FOXJ3: variants seen among roughly 807,000 people sequenced by gnomAD.
The protein encoded by FOXJ3 is forkhead box protein J3.
A neutral mutation model predicts 76.1 loss-of-function variants in FOXJ3; 22 were observed. That is an observed-to-expected ratio of 0.29 (90% CI 0.21 to 0.41). The LOEUF (loss-of-function observed/expected upper bound fraction) is 0.41. Among genes scored for constraint, FOXJ3 ranks in the 10% least tolerant of loss-of-function variants. The pLI is 1.00. For synonymous variants in FOXJ3, 269 were observed against 261.2 expected, an observed-to-expected ratio of 1.03 and a Z score of -0.29; for missense variants, 613 against 762.1, an observed-to-expected ratio of 0.80 and a Z score of 2.30.
intron 1 of FOXJ3, among the ~76,000 whole-genome samples, chr1:42,326,381 T>C (rs1029548802): frequency 4.6e-5 from 7 of 152,182 alleles, no homozygotes; most frequent in African/African-American, 1.7e-4. Flanking sequence ...ATATACAGGT[T>C]CAAAGAAGAA....
At chr1:42,242,125 C>A (rs1649192659) in intron 4 of FOXJ3, among the ~76,000 whole-genome samples, 1 of 151,878 alleles carries the variant, frequency 6.6e-6, no homozygotes, top group Admixed American at 6.6e-5. Flanking sequence ...AAAAGTCTTA[C>A]CCTAGGAAAT....
chr1:42,248,730 C>CTTTTTTTTTT (rs4019587), intron 4 of FOXJ3, among the ~76,000 whole-genome samples: 2 of 92,190 alleles, frequency 2.2e-5, no homozygotes, highest in African/African-American at 4.0e-5. Flanking sequence ...CCTGTTTTTT[C>CTTTTTTTTTT]TTTTTTTTTT....
intron 2 of FOXJ3, among the ~76,000 whole-genome samples, chr1:42,294,424 T>C (rs1653645893): frequency 6.6e-6 from 1 of 152,112 alleles, no homozygotes; most frequent in African/African-American, 2.4e-5. Flanking sequence ...GATTTAGAAT[T>C]AGAAGTGAAA....
At chr1:42,315,589 T>A (rs914709789) in intron 1 of FOXJ3, 4 of 169,994 alleles carry the variant, frequency 2.4e-5, no homozygotes, top group African/African-American at 9.6e-5. Flanking sequence ...TCCTCTAGAT[T>A]ACCGTCCTTA....
At chr1:42,280,924 A>G (rs1422860691) in intron 2 of FOXJ3, among the ~76,000 whole-genome samples, 2 of 152,190 alleles carry the variant, frequency 1.3e-5, no homozygotes, top group Admixed American at 6.5e-5. Context: ...CTGTCATCCA[A>G]TTTACCTCAA....
At chr1:42,224,456 C>A (rs1267466453) in intron 5 of FOXJ3, among the ~76,000 whole-genome samples, 1 of 151,998 alleles carries the variant, frequency 6.6e-6, no homozygotes, top group Non-Finnish European at 1.5e-5. Context: ...AGGATGGAGC[C>A]AGCCTGGCCA....
In FOXJ3 at chr1:42,191,540, G is replaced by C. The variant is rs781368632; in HGVS notation, c.1114C>G (p.His372Asp). The C allele has an allele frequency of 6.2e-7, 1 of 1,614,114 alleles. No individual in the cohort carries two copies. The highest frequency in any genetic ancestry group is 8.5e-7 in the Non-Finnish European group (1 of 1,180,010). The change falls in exon 9 of 13, where the codon CAC becomes GAC. Residue 372 changes from histidine (H) to aspartate (D), a missense_variant. Physicochemically the swap from His to Asp is moderately conservative, Grantham distance 81 (BLOSUM62 -1). Around this residue, in one of 3 missense-constraint regions of FOXJ3, gnomAD observed 526 missense variants for 601.4 expected, o/e 0.87. Transcript: ENST00000361346. ...GATGGCTGTGTGTGCATCTGGGGGTGAGACAGTGAGACCTGTGCAACCGAA... is the reference window on the plus strand; with the variant it reads ...GATGGCTGTGTGTGCATCTGGGGGTCAGACAGTGAGACCTGTGCAACCGAA... ...SNSVAQVSLSHPQMHTQPSPH... is the reference protein window; with the variant it reads ...SNSVAQVSLSDPQMHTQPSPH...
chr1:42,312,544 G>A (rs926893406), intron 1 of FOXJ3, among the ~76,000 whole-genome samples: 2 of 152,162 alleles, frequency 1.3e-5, no homozygotes, highest in South Asian at 2.1e-4. Context: ...GCTCAATCTC[G>A]TAACCACTGA....
intron 12 of FOXJ3, among the ~76,000 whole-genome samples, 192 bp from the exon 13 acceptor site, chr1:42,180,017 T>C (rs1646286143): frequency 6.6e-6 from 1 of 152,080 alleles, no homozygotes; most frequent in Non-Finnish European, 1.5e-5. Context: ...GATGAGTAAA[T>C]TACCCAAAGT....
intron 3 of FOXJ3, among the ~76,000 whole-genome samples, chr1:42,273,603 A>G (rs1002545700): frequency 7.0e-6 from 1 of 143,650 alleles, no homozygotes; most frequent in Non-Finnish European, 1.5e-5. Flanking sequence ...TGAACTAGGA[A>G]GGTAGAGCTT....
At chr1:42,276,514 C>T (rs969688461) in intron 3 of FOXJ3, among the ~76,000 whole-genome samples, 1 of 152,036 alleles carries the variant, frequency 6.6e-6, no homozygotes, top group Non-Finnish European at 1.5e-5. Flanking sequence ...TTGGAAACCG[C>T]AACACTAAGT....
At chr1:42,271,753 A>G (rs1651882173) in intron 3 of FOXJ3, among the ~76,000 whole-genome samples, 1 of 152,034 alleles carries the variant, frequency 6.6e-6, no homozygotes, top group Non-Finnish European at 1.5e-5. Context: ...GGCTCTAGTA[A>G]TCCTTCCACC....
intron 2 of FOXJ3, among the ~76,000 whole-genome samples, chr1:42,283,121 G>T (rs1652834054): frequency 6.6e-6 from 1 of 152,126 alleles, no homozygotes. Context: ...TACAGGAAAA[G>T]AAACCATTCT....
intron 11 of FOXJ3, among the ~76,000 whole-genome samples, chr1:42,186,427 T>C (rs904962878): frequency 7.9e-5 from 12 of 152,064 alleles, no homozygotes; most frequent in African/African-American, 2.9e-4. Flanking sequence ...AGAAAAACTA[T>C]AGTTTTTCTA....
chr1:42,228,426 C>T (rs1018618108), intron 4 of FOXJ3, among the ~76,000 whole-genome samples: 1 of 152,020 alleles, frequency 6.6e-6, no homozygotes, highest in Non-Finnish European at 1.5e-5. Context: ...AGCAATGATA[C>T]GTACATAAAC....
intron 4 of FOXJ3, among the ~76,000 whole-genome samples, chr1:42,241,234 G>C (rs1316495831): frequency 6.6e-6 from 1 of 152,086 alleles, no homozygotes; most frequent in Non-Finnish European, 1.5e-5. Flanking sequence ...AGGGTCTGAA[G>C]CACACACTCT....
Position 42,195,097 on chromosome 1 carries a change from C to T in FOXJ3, c.760-33G>A, listed in dbSNP as rs1646626412. On this transcript the variant is annotated intron_variant, in intron 7 of 12. Transcript: ENST00000361346. ...TAAAAGAAAACACAACTAATTCAGC[C>T]TCTCTACTAATTACAATTGGCTTGT... 2.6e-6 allele frequency: 4 copies of T among 1,515,256 alleles called. No homozygotes were observed. The East Asian group carries it at 9.2e-5, about 35-fold the overall frequency. 93.9% of individuals were successfully genotyped at this position (1,515,256 alleles called of 1,614,324 possible).
intron 2 of FOXJ3, among the ~76,000 whole-genome samples, chr1:42,285,704 A>G (rs1653010685): frequency 7.8e-6 from 1 of 128,252 alleles, no homozygotes; most frequent in Admixed American, 8.2e-5. Context: ...GACAATGAAA[A>G]TCTTCCCAAA....
chr1:42,213,908 GAGAGGATTTTAA>G (rs1647016270), intron 5 of FOXJ3, among the ~76,000 whole-genome samples: 1 of 152,148 alleles, frequency 6.6e-6, no homozygotes, highest in African/African-American at 2.4e-5. Flanking sequence ...CAAAATAGCT[GAGAGGATTTTAA>G]ATGTTCTTAC....
Sources: allele counts gnomAD v4.1 joint callset (sites outside exome capture counted in the v4.1 genomes callset), GRCh38; gene constraint gnomAD v4.1.1; regional missense constraint gnomAD v4.1.1; transcripts MANE v1.5; gene names NCBI Gene and HGNC (gene_info 2026-07-23, HGNC 2026-07-21).